Variants in RARB observed in about 807,000 individuals in gnomAD.
RARB encodes HBV-activated protein.
RARB carries 17 observed loss-of-function variants against 51.9 expected under a neutral mutation model. The observed-to-expected ratio is 0.33, with a 90% CI of 0.22 to 0.49. RARB has a LOEUF of 0.49. Ranked by LOEUF, RARB falls within the 20% of genes least tolerant of loss-of-function variation. The pLI is 0.99. For synonymous variants in RARB, 215 were observed against 195.4 expected, an observed-to-expected ratio of 1.10 and a Z score of -0.84; for missense variants, 369 against 550.8, an observed-to-expected ratio of 0.67 and a Z score of 3.30.
intron 5 of RARB, among the ~76,000 whole-genome samples, chr3:25,355,498 A>AGTTT (rs931550214): frequency 1.1e-4 from 16 of 151,954 alleles, no homozygotes; most frequent in African/African-American, 2.4e-4. Context: ...ATTTGGCTGG[A>AGTTT]GTTTGTTTGT....
In RARB at chr3:25,358,959, T is replaced by C. The variant is rs1446499570; in HGVS notation, c.179-102234T>C. 6.6e-5 allele frequency among the ~76,000 whole-genome samples: 10 copies of C among 152,180 alleles called. No individual in the cohort carries two copies. The East Asian group carries it at 1.7e-3, about 27-fold the overall frequency. ...AATTTTCTTTTTTTTTTTTAATCTC[T>C]GCCAGGTTTTGGTATCAGGATGATG... On this transcript the variant is annotated intron_variant, in intron 5 of 11. Transcript: ENST00000383772.
intron 3 of RARB, among the ~76,000 whole-genome samples, chr3:25,123,076 G>A (rs1699809656): frequency 6.6e-6 from 1 of 151,992 alleles, no homozygotes; most frequent in Non-Finnish European, 1.5e-5. Flanking sequence ...TGAGCATTGA[G>A]GTACACTTTG....
chr3:25,507,413 T>A (rs1041206228), intron 3 of RARB, among the ~76,000 whole-genome samples: 1 of 152,240 alleles, frequency 6.6e-6, no homozygotes, highest in Non-Finnish European at 1.5e-5. Flanking sequence ...CTCAACTTCT[T>A]GGAGGCTGTG....
At chr3:25,073,679 C>A (rs151013325) in intron 3 of RARB, among the ~76,000 whole-genome samples, 312 of 152,184 alleles carry the variant, frequency 2.1e-3, no homozygotes, top group African/African-American at 6.9e-3. Flanking sequence ...AAATAATGTG[C>A]GTGTAATTCC....
intron 2 of RARB, among the ~76,000 whole-genome samples, chr3:25,031,901 T>C (rs1158796773): frequency 6.6e-6 from 1 of 152,204 alleles, no homozygotes; most frequent in Non-Finnish European, 1.5e-5. Context: ...CTGAATAGAA[T>C]CCACATCAGG....
At chr3:25,331,971 C>T (rs1704910931) in intron 5 of RARB, among the ~76,000 whole-genome samples, 1 of 152,106 alleles carries the variant, frequency 6.6e-6, no homozygotes, top group Non-Finnish European at 1.5e-5. Context: ...CAAGACTAAA[C>T]CAGGAAGAAT....
At chr3:25,081,705 T>C (rs1306884283) in intron 3 of RARB, among the ~76,000 whole-genome samples, 7 of 137,384 alleles carry the variant, frequency 5.1e-5, no homozygotes, top group Admixed American at 4.5e-4. Flanking sequence ...CAATCTTGGC[T>C]CACTGCAACC....
chr3:25,153,027 C>T (rs192827362), intron 4 of RARB, among the ~76,000 whole-genome samples: 1 of 152,230 alleles, frequency 6.6e-6, no homozygotes, highest in Non-Finnish European at 1.5e-5. Context: ...GGGAAAAGGA[C>T]AGAATAATTT....
At chr3:25,570,539 G>C (rs60963077) in intron 4 of RARB, among the ~76,000 whole-genome samples, 11,900 of 152,232 alleles carry the variant, frequency 0.078, 718 homozygotes, top group African/African-American at 0.16. Context: ...GTTCCACTAG[G>C]AATGGCCTTT....
At chr3:25,340,444 C>A (rs1436776319) in intron 5 of RARB, among the ~76,000 whole-genome samples, 1 of 152,104 alleles carries the variant, frequency 6.6e-6, no homozygotes, top group Non-Finnish European at 1.5e-5. Flanking sequence ...GAGCCACCAC[C>A]ATCAGGCTTT....
chr3:24,985,739 A>G (rs1696776555), intron 2 of RARB, among the ~76,000 whole-genome samples: 1 of 152,176 alleles, frequency 6.6e-6, no homozygotes, highest in South Asian at 2.1e-4. Context: ...CTTCTCCAGA[A>G]CAGTCCCACT....
intron 2 of RARB, among the ~76,000 whole-genome samples, chr3:24,901,892 A>G (rs1436859551): frequency 1.3e-5 from 2 of 152,070 alleles, no homozygotes; most frequent in Non-Finnish European, 2.9e-5. Context: ...ATATAACGTT[A>G]ATAATAATAA....
intron 4 of RARB, among the ~76,000 whole-genome samples, chr3:25,170,623 A>G (rs1282141939): frequency 6.6e-6 from 1 of 152,210 alleles, no homozygotes; most frequent in Non-Finnish European, 1.5e-5. Context: ...ATAAGGTTGG[A>G]AGCTTACATG....
At position 25,549,332 on chromosome 3, in the gene RARB, A is replaced by C. The variant is rs1315958936; in HGVS notation, c.449-20426A>C. 3.3e-5 allele frequency among the ~76,000 whole-genome samples: 5 copies of C among 152,144 alleles called. No homozygotes were observed. The East Asian group carries it at 9.6e-4, about 29-fold the overall frequency. ...AACCTGGCAGAGTGAGAAATTCAGA[A>C]GCTCTGAAGGCTCCAGAAGATCTAA... On this transcript the variant is annotated intron_variant, in intron 3 of 7. Coordinates refer to ENST00000330688, the MANE Select transcript of RARB (RefSeq NM_000965.5).
At chr3:25,333,010 C>G (rs758369225) in intron 5 of RARB, among the ~76,000 whole-genome samples, 10 of 152,112 alleles carry the variant, frequency 6.6e-5, no homozygotes, top group Non-Finnish European at 1.5e-4. Flanking sequence ...CAAACCACTG[C>G]TCAACAAAAT....
At chr3:25,500,661 T>C (rs1697267675) in intron 2 of RARB, among the ~76,000 whole-genome samples, 1 of 151,878 alleles carries the variant, frequency 6.6e-6, no homozygotes, top group Non-Finnish European at 1.5e-5. Context: ...TATTTTTTAG[T>C]AGAGACAGGG....
chr3:25,287,318 G>C (rs1400922956), intron 5 of RARB, among the ~76,000 whole-genome samples: 1 of 152,006 alleles, frequency 6.6e-6, no homozygotes. Context: ...CTGCATTCCA[G>C]ACCACATTTC....
chr3:25,268,315 C>T (rs975075651), intron 5 of RARB, among the ~76,000 whole-genome samples: 11 of 151,636 alleles, frequency 7.3e-5, no homozygotes, highest in African/African-American at 2.7e-4. Flanking sequence ...TGGACCTATT[C>T]AGGTGTGGCT....
intron 5 of RARB, among the ~76,000 whole-genome samples, chr3:25,180,548 C>A (rs989350337): frequency 1.3e-5 from 2 of 152,158 alleles, no homozygotes; most frequent in Admixed American, 1.3e-4. Context: ...GATTAGCCTC[C>A]ATGCAGGTAG....
Sources: gnomAD v4.1 joint callset for allele counts (sites outside exome capture counted in the v4.1 genomes callset) on GRCh38, gnomAD v4.1.1 for gene constraint, MANE v1.5 for transcripts, NCBI Gene and HGNC (gene_info 2026-07-23, HGNC 2026-07-21) for gene names.